The following PPP4R4 variants were observed in gnomAD, a reference collection of about 807,000 sequenced individuals.
The protein encoded by PPP4R4 is protein phosphatase 4 regulatory subunit 4.
A neutral mutation model predicts 121.8 loss-of-function variants in PPP4R4; 70 were observed. The ratio of observed to expected loss-of-function variants is 0.57; its 90% CI spans 0.47 to 0.70. The LOEUF is 0.70. Ranked by LOEUF, PPP4R4 falls within the 30% of genes least tolerant of loss-of-function variation. PPP4R4 has a pLI of 0.00. For missense variants in PPP4R4, 875 were observed against 1,033.6 expected (o/e 0.85, Z 2.10); for synonymous variants, 348 against 355.7 (o/e 0.98, Z 0.24).
At chr14:94,264,021 G>T (rs998792202) in intron 19 of PPP4R4, among the ~76,000 whole-genome samples, 3 of 152,098 alleles carry the variant, frequency 2.0e-5, no homozygotes, top group African/African-American at 7.2e-5. Context: ...TTAGCATAAG[G>T]GCCTCCTGTG....
intron 7 of PPP4R4, among the ~76,000 whole-genome samples, chr14:94,237,100 T>C (rs1314786561): frequency 6.6e-6 from 1 of 152,160 alleles, no homozygotes. Context: ...TAGAGTGATA[T>C]ATCATCTTCT....
chr14:94,277,041 G>A (rs888705667), intron 24 of PPP4R4, among the ~76,000 whole-genome samples: 1 of 152,202 alleles, frequency 6.6e-6, no homozygotes, highest in Non-Finnish European at 1.5e-5. Flanking sequence ...GCTCACGCCT[G>A]TAATCCCAGC....
At chr14:94,261,695 TA>T (rs1400319272) in intron 19 of PPP4R4, among the ~76,000 whole-genome samples, 1 of 152,004 alleles carries the variant, frequency 6.6e-6, no homozygotes, top group East Asian at 1.9e-4. Flanking sequence ...ATGGTAGAAA[TA>T]GGTTTTATGT....
chr14:94,179,044 C>T (rs764091631), intron 2 of PPP4R4, among the ~76,000 whole-genome samples: 1 of 152,116 alleles, frequency 6.6e-6, no homozygotes, highest in Non-Finnish European at 1.5e-5. Context: ...CCCACCAGTC[C>T]CTCACTTTTA....
Position 94,250,414 on chromosome 14 carries a change from A to G in PPP4R4, c.1717+137A>G, listed in dbSNP as rs900968121. 8.8e-5 allele frequency: 53 copies of G among 603,892 alleles called. No homozygotes were observed. In the Admixed American group the frequency reaches 9.8e-4, roughly 11 times the overall value. 37.4% of individuals were successfully genotyped at this position (603,892 alleles called of 1,614,324 possible). On this transcript the variant is annotated intron_variant, in intron 15 of 24. Coordinates refer to ENST00000304338, the MANE Select transcript of PPP4R4 (RefSeq NM_058237.2). ...TTTTATAAGATGATTTTTATTTTCT[A>G]GAAATCCTTATGGCAAGATTAGATC...
chr14:94,239,072 C>G (rs1270957785), intron 8 of PPP4R4, among the ~76,000 whole-genome samples: 3 of 152,070 alleles, frequency 2.0e-5, no homozygotes, highest in African/African-American at 7.2e-5. Context: ...CCTCTTGTGT[C>G]TGATGCTCCA....
At chr14:94,262,328 G>A (rs1157074362) in intron 19 of PPP4R4, among the ~76,000 whole-genome samples, 1 of 151,824 alleles carries the variant, frequency 6.6e-6, no homozygotes, top group African/African-American at 2.4e-5. Context: ...AAATCTGTTG[G>A]CATGAAGTTA....
At position 94,250,186 on chromosome 14, in the gene PPP4R4, C is replaced by T; in HGVS notation, c.1626C>T (p.Val542=). Residue 542 remains valine (V), a synonymous_variant, in exon 15 of 25, where the codon GTC becomes GTT. Transcript: ENST00000304338. ...TIMMTNNVLP[V]QKAASRTLCI... ...ACTTCTTCAAGAATGTTTTACCTGT[C>T]CAAAAGGCGGCTTCACGAACTCTAT... 2.5e-6 allele frequency: 4 copies of T among 1,609,350 alleles called. No homozygotes were observed. Among genetic ancestry groups the T allele is most frequent in the African/African-American group, 2.7e-5 (2 of 74,848 alleles).
chr14:94,176,307 T>C (rs1436752658), intron 2 of PPP4R4, among the ~76,000 whole-genome samples, 180 bp downstream of exon 2: 1 of 152,210 alleles, frequency 6.6e-6, no homozygotes, highest in African/African-American at 2.4e-5. Flanking sequence ...ACTTATGACT[T>C]TGAGAATTTA....
At chr14:94,264,123 A>G (rs1048326504) in intron 19 of PPP4R4, among the ~76,000 whole-genome samples, 1 of 152,104 alleles carries the variant, frequency 6.6e-6, no homozygotes, top group Admixed American at 6.5e-5. Flanking sequence ...TTGTATACCT[A>G]TAATTTGTGT....
chr14:94,277,862 T>A (rs1170912787), intron 24 of PPP4R4, among the ~76,000 whole-genome samples: 1 of 152,210 alleles, frequency 6.6e-6, no homozygotes, highest in Non-Finnish European at 1.5e-5. Context: ...ACATCAGGTT[T>A]ATTTAGTCTT....
chr14:94,270,932 C>A (rs1168877966), intron 23 of PPP4R4, among the ~76,000 whole-genome samples: 27 of 128,898 alleles, frequency 2.1e-4, no homozygotes, highest in East Asian at 3.2e-4. Flanking sequence ...AAAAAAACAA[C>A]AACAACAACA....
intron 24 of PPP4R4, among the ~76,000 whole-genome samples, chr14:94,276,097 AG>A (rs2139673806): frequency 6.6e-6 from 1 of 152,258 alleles, no homozygotes; most frequent in African/African-American, 2.4e-5. Context: ...TATTTAAGAG[AG>A]GGGTACCATA....
intron 24 of PPP4R4, among the ~76,000 whole-genome samples, chr14:94,278,413 C>G (rs549456556): frequency 6.6e-6 from 1 of 152,096 alleles, no homozygotes; most frequent in East Asian, 1.9e-4. Flanking sequence ...AAGATCATTC[C>G]AAGTAATCTT....
chr14:94,235,473 C>T (rs1892292633), intron 7 of PPP4R4, among the ~76,000 whole-genome samples: 1 of 143,452 alleles, frequency 7.0e-6, no homozygotes, highest in South Asian at 2.3e-4. Context: ...GATCTCGGCT[C>T]ACTGCAAGCT....
intron 2 of PPP4R4, among the ~76,000 whole-genome samples, chr14:94,185,228 G>T (rs1272127496): frequency 2.6e-5 from 4 of 152,162 alleles, no homozygotes; most frequent in African/African-American, 9.7e-5. Context: ...AATAGGCTGG[G>T]CATAGTGGCT....
chr14:94,266,853 G>T, intron 22 of PPP4R4, 106 bp from the exon 23 acceptor site: 1 of 726,552 alleles, frequency 1.4e-6, no homozygotes. Context: ...CGTTTCATAA[G>T]TAGAGGAAAG....
intron 16 of PPP4R4, 81 bp downstream of exon 16, chr14:94,251,977 T>C: frequency 7.8e-7 from 1 of 1,277,678 alleles, no homozygotes; most frequent in East Asian, 2.7e-5. Flanking sequence ...ATCTTTTCCT[T>C]AGCCAATTAA....
Position 94,176,105 on chromosome 14 carries a change from G to A in PPP4R4, c.169G>A (p.Glu57Lys). The A allele has an allele frequency of 6.2e-7, 1 of 1,612,158 alleles. No homozygotes were observed. Among genetic ancestry groups the A allele is most frequent in the South Asian group, 1.1e-5 (1 of 91,042 alleles). The change falls in exon 2 of 25, where the codon GAA (glutamate) becomes AAA (lysine). Residue 57 changes from glutamate to lysine, a missense_variant. Transcript: ENST00000304338. ...LTVDEDLSDI[E>K]RAVYLLSAGQ... The stretch of plus-strand genomic sequence containing the variant: ...AGTCGATGAAGACCTCAGTGATATT[G>A]AAAGGGCTGTTTATCTGCTCAGGTA...
Sources: gnomAD v4.1 joint callset for allele counts (sites outside exome capture counted in the v4.1 genomes callset) on GRCh38, gnomAD v4.1.1 for gene constraint, MANE v1.5 for transcripts, NCBI Gene and HGNC (gene_info 2026-07-23, HGNC 2026-07-21) for gene names.